The following DGKH variants were observed in gnomAD, a reference collection of about 807,000 sequenced individuals.
DGKH encodes DAG kinase eta.
DGKH carries 90 observed loss-of-function variants against 159.3 expected under a neutral mutation model. That is an observed-to-expected ratio of 0.57 (90% confidence interval 0.48 to 0.67). DGKH has a LOEUF of 0.67. Ranked by LOEUF, DGKH falls within the 30% of genes least tolerant of loss-of-function variation. The pLI, the probability that DGKH is intolerant of heterozygous loss-of-function variation, is 0.00. For synonymous variants in DGKH, 536 were observed against 553.8 expected, an observed-to-expected ratio of 0.97 and a Z score of 0.45; for missense variants, 1,181 against 1,506.1, an observed-to-expected ratio of 0.78 and a Z score of 3.57.
intron 1 of DGKH, among the ~76,000 whole-genome samples, chr13:42,121,330 G>A (rs571855961): frequency 1.3e-5 from 2 of 152,292 alleles, no homozygotes; most frequent in African/African-American, 2.4e-5. Context: ...GTAGGCTAAC[G>A]TAAGTGTTCT....
In DGKH at chr13:42,203,762, G is replaced by A. The variant is rs1957399031; in HGVS notation, c.2494-2277G>A. Among the ~76,000 whole-genome samples, 4 of 152,210 alleles carry A rather than the reference G, an allele frequency of 2.6e-5. No homozygotes were observed. In the South Asian group the frequency reaches 8.3e-4, roughly 32 times the overall value. On this transcript the variant is annotated intron_variant, in intron 20 of 29. Transcript: ENST00000337343. ...GCAGGAGGATTGCTTGAGCCCAGGA[G>A]TTCAAGACTGCAGTAAGCTGTGATG... is the stretch of plus-strand genomic sequence containing the variant.
intron 13 of DGKH, among the ~76,000 whole-genome samples, chr13:42,186,515 G>GA (rs1956932217): frequency 6.6e-6 from 1 of 152,126 alleles, no homozygotes; most frequent in Non-Finnish European, 1.5e-5. Flanking sequence ...TTATCTCAAG[G>GA]AAAAAATGAA....
At chr13:42,087,922 C>T (rs1487229496) in intron 1 of DGKH, among the ~76,000 whole-genome samples, 1 of 152,098 alleles carries the variant, frequency 6.6e-6, no homozygotes, top group Non-Finnish European at 1.5e-5. Context: ...GAAGCTCCAT[C>T]AGCTTCAATC....
intron 1 of DGKH, among the ~76,000 whole-genome samples, chr13:42,089,529 G>A (rs1287234025): frequency 6.6e-6 from 1 of 152,126 alleles, no homozygotes; most frequent in African/African-American, 2.4e-5. Context: ...TGGAGGCTCT[G>A]GGAAGAGAAT....
Position 42,199,779 on chromosome 13 carries a change from T to A in DGKH, c.2397-34T>A, listed in dbSNP as rs898033865. 4 of 1,584,162 alleles carry A rather than the reference T, an allele frequency of 2.5e-6. No individual in the cohort carries two copies. The African/African-American group carries it at 5.5e-5, about 22-fold the overall frequency. On this transcript the variant is annotated intron_variant, in intron 19 of 29. Coordinates refer to ENST00000337343, the MANE Select transcript of DGKH (RefSeq NM_178009.5). ...GCCTTTAAGGAGTAAATAAATAAAA[T>A]TTCCTGAAATTGCCTGCCAATATTT...
chr13:42,182,770 G>A (rs1027995583), intron 13 of DGKH, among the ~76,000 whole-genome samples: 12 of 152,068 alleles, frequency 7.9e-5, no homozygotes, highest in Admixed American at 3.9e-4. Flanking sequence ...GTGCATGTGC[G>A]CACATATAAT....
At chr13:42,145,179 T>A (rs965257) in intron 3 of DGKH, among the ~76,000 whole-genome samples, 55,270 of 152,080 alleles carry the variant, frequency 0.36, 10,960 homozygotes, top group South Asian at 0.45. Context: ...TTGTGGTCTC[T>A]GGATCCAGTT....
rs149435961 is a variant in DGKH, at chr13:42,116,085, A to G, written c.193-11378A>G. ...TTTTGAATCCATTGCCTCACATATC[A>G]TCATAGCACATAGTGATATGCAGGC... On this transcript the variant is annotated intron_variant, in intron 1 of 29. Transcript: ENST00000337343. 4.3e-3 allele frequency among the ~76,000 whole-genome samples: 650 copies of G among 152,312 alleles called. 2 individuals are homozygous for G. The highest frequency in any genetic ancestry group is 0.011 in the South Asian group (54 of 4,824).
intron 1 of DGKH, among the ~76,000 whole-genome samples, chr13:42,117,990 G>C (rs1954994893): frequency 6.6e-6 from 1 of 152,176 alleles, no homozygotes; most frequent in Non-Finnish European, 1.5e-5. Context: ...GGCCGAGACA[G>C]GCGGATCACG....
chr13:42,199,429 G>A, intron 18 of DGKH, 137 bp from the exon 19 acceptor site: 2 of 556,284 alleles, frequency 3.6e-6, no homozygotes, highest in Non-Finnish European at 6.3e-6. Flanking sequence ...ATAGGAATAG[G>A]AAGTGATTAG....
intron 29 of DGKH, among the ~76,000 whole-genome samples, chr13:42,224,825 C>T (rs945579582): frequency 1.3e-5 from 2 of 151,916 alleles, no homozygotes; most frequent in African/African-American, 2.4e-5. Flanking sequence ...CAGAGATTAG[C>T]TCAAGTGTTA....
intron 1 of DGKH, among the ~76,000 whole-genome samples, chr13:42,126,205 G>A (rs149058211): frequency 6.6e-6 from 1 of 152,100 alleles, no homozygotes; most frequent in South Asian, 2.1e-4. Flanking sequence ...TCTAATAGGG[G>A]TAGCACAATA....
At position 42,200,938 on chromosome 13, in the gene DGKH, T is replaced by G. The variant is rs1416668223; in HGVS notation, c.2493+1029T>G. Among the ~76,000 whole-genome samples, 3 of 152,136 alleles carry G rather than the reference T, an allele frequency of 2.0e-5. No individual in the cohort carries two copies. The East Asian group carries it at 5.8e-4, about 29-fold the overall frequency. On this transcript the variant is annotated intron_variant, in intron 20 of 29. Transcript: ENST00000337343. ...CAGCTTAGGTGCTCTCCTAATCATG[T>G]AATCATTCCTTTTTTTCTTCATGTA...
intron 1 of DGKH, among the ~76,000 whole-genome samples, chr13:42,053,409 T>C (rs1881475208): frequency 6.8e-6 from 1 of 147,600 alleles, no homozygotes; most frequent in South Asian, 2.1e-4. Flanking sequence ...TGTATATATA[T>C]AACTATATAT....
chr13:42,201,995 G>A (rs562323189), intron 20 of DGKH, among the ~76,000 whole-genome samples: 1 of 152,230 alleles, frequency 6.6e-6, no homozygotes, highest in Non-Finnish European at 1.5e-5. Context: ...CTAAACTTCA[G>A]AGGTTAGTGA....
chr13:42,088,961 A>T (rs529126415), intron 1 of DGKH, among the ~76,000 whole-genome samples: 1 of 152,346 alleles, frequency 6.6e-6, no homozygotes, highest in African/African-American at 2.4e-5. Context: ...GAAAAACTAG[A>T]GTTGTTATAT....
intron 1 of DGKH, among the ~76,000 whole-genome samples, chr13:42,117,484 T>G (rs946802129): frequency 3.3e-5 from 5 of 152,224 alleles, no homozygotes; most frequent in Non-Finnish European, 7.3e-5. Context: ...AGGATTAACT[T>G]TCACGTGAAT....
At position 42,048,933 on chromosome 13, in the gene DGKH, A is replaced by G; in HGVS notation, c.160A>G (p.Lys54Glu). 7.5e-7 allele frequency: 1 copy of G among 1,326,038 alleles called. No individual in the cohort carries two copies. The highest frequency in any genetic ancestry group is 9.7e-7 in the Non-Finnish European group (1 of 1,030,322). The allele number at this position is 1,326,038 out of a possible 1,614,324, so 82.1% of individuals were successfully genotyped here. Reference protein sequence around the residue: ...EQEGPQKLIRKVSTSGQIRTK... With the variant: ...EQEGPQKLIREVSTSGQIRTK... ...AGAGGGACCCCAGAAACTGATCCGCAAAGTGTCTACCTCGGGGCAGATCCG... is the reference window on the plus strand; with the variant it reads ...AGAGGGACCCCAGAAACTGATCCGCGAAGTGTCTACCTCGGGGCAGATCCG... Residue 54 changes from lysine to glutamate, a missense_variant, in exon 1 of 30, where the codon AAA becomes GAA. Physicochemically the swap from Lys to Glu is moderately conservative, Grantham distance 56 (BLOSUM62 1). Coordinates refer to ENST00000337343, the MANE Select transcript of DGKH (RefSeq NM_178009.5). The surrounding 1 kb of genome is among the most constrained non-coding windows in gnomAD (Gnocchi z 6.7).
Position 42,160,097 on chromosome 13 carries a change from C to T in DGKH, c.816C>T (p.Leu272=). 3 of 1,614,206 alleles carry T rather than the reference C, an allele frequency of 1.9e-6. No homozygotes were observed. The highest frequency in any genetic ancestry group is 1.1e-5 in the South Asian group (1 of 91,086). Residue 272 remains leucine (L), a synonymous_variant, in exon 7 of 30, where the codon CTC becomes CTT. Coordinates refer to ENST00000337343, the MANE Select transcript of DGKH (RefSeq NM_178009.5). ...GCGACAAAACATGTGGCAGTGTTCT[C>T]CGTCTACAGGATTGGAAATGCCTTT... The part of the protein sequence containing the change: ...AVCDKTCGSV[L]RLQDWKCLWC...
Sources: allele counts gnomAD v4.1 joint callset (sites outside exome capture counted in the v4.1 genomes callset), GRCh38; gene constraint gnomAD v4.1.1; non-coding constraint Gnocchi (gnomAD v3.1); transcripts MANE v1.5; gene names NCBI Gene and HGNC (gene_info 2026-07-23, HGNC 2026-07-21).